Variants in DMD observed in about 807,000 individuals in gnomAD.
DMD encodes the protein mutant dystrophin.
Under a neutral mutation model 330.1 loss-of-function variants are expected in DMD, and 63 were observed. The ratio of observed to expected loss-of-function variants is 0.19; its 90% CI spans 0.16 to 0.24. DMD has a LOEUF of 0.24. Among genes scored for constraint, DMD ranks in the 10% least tolerant of loss-of-function variants. The probability of loss-of-function intolerance (pLI) is 1.00; values close to 1 mark genes in which losing one functional copy is unlikely to be tolerated. For synonymous variants in DMD, 1,223 were observed against 959.8 expected, an observed-to-expected ratio of 1.27 and a Z score of -5.07; for missense variants, 3,344 against 2,684.1, an observed-to-expected ratio of 1.25 and a Z score of -5.43.
chrX:32,097,389 T>C (rs1187019159), intron 44 of DMD, among the ~76,000 whole-genome samples: 1 of 111,315 alleles, frequency 9.0e-6, no homozygotes, highest in Admixed American at 9.6e-5. Context: ...CTGAGGATGA[T>C]GGCTTCCAGC....
At chrX:32,756,440 G>A (rs1167343343) in intron 7 of DMD, 1 of 111,575 alleles carries the variant, frequency 9.0e-6, no homozygotes, top group Non-Finnish European at 1.9e-5. Flanking sequence ...CAATAAAATC[G>A]CTAAAAACCA....
intron 61 of DMD, among the ~76,000 whole-genome samples, chrX:31,339,496 G>A (rs191146936): frequency 1.6e-3 from 174 of 111,842 alleles, no homozygotes; most frequent in Non-Finnish European, 2.6e-3. Context: ...GATTTTACTT[G>A]AAAGAGAATT....
intron 30 of DMD, among the ~76,000 whole-genome samples, chrX:32,408,523 G>A (rs1382416245): frequency 9.0e-6 from 1 of 111,494 alleles, no homozygotes; most frequent in Non-Finnish European, 1.9e-5. Flanking sequence ...ATCTTAAAAT[G>A]CAGAAAAAAT....
At chrX:32,805,176 A>T (rs1444487509) in intron 7 of DMD, among the ~76,000 whole-genome samples, 1 of 111,916 alleles carries the variant, frequency 8.9e-6, no homozygotes, top group African/African-American at 3.3e-5. Context: ...AAGCTAAAGG[A>T]GCATGTTCTA....
intron 2 of DMD, among the ~76,000 whole-genome samples, chrX:32,965,949 T>C (rs1188410258): frequency 8.9e-6 from 1 of 111,833 alleles, no homozygotes; most frequent in African/African-American, 3.2e-5. Context: ...TATAATAAAA[T>C]AGTCTTTAAC....
chrX:31,157,450 G>C (rs1274970133), intron 74 of DMD, among the ~76,000 whole-genome samples: 1 of 112,020 alleles, frequency 8.9e-6, no homozygotes, highest in South Asian at 3.8e-4. Context: ...GTCATCATCA[G>C]CCAAAAGGAA....
In DMD at chrX:31,495,146, A is replaced by ATTT. The variant is rs200871556; in HGVS notation, c.8547+1639_8547+1641dup. On this transcript the variant is annotated intron_variant, in intron 57 of 78. Transcript: ENST00000357033. ...AGGAGAAACTGGCAGTTTCCCTGGC[A>ATTT]TTTTTTTTTTTTTTTGCAAAGATCC... Among the ~76,000 whole-genome samples the ATTT allele has an allele frequency of 1.2e-4, 11 of 94,309 alleles. 1 individual carries two copies. Among genetic ancestry groups the ATTT allele is most frequent in the Admixed American group, 3.5e-4 (3 of 8,496 alleles). 81.9% of individuals were successfully genotyped at this position (94,309 alleles called of 115,157 possible). A position where few individuals can be genotyped will look rare whatever the true frequency, so the allele number is the denominator to read the frequency against.
chrX:32,098,082 A>T (rs1470216134), intron 44 of DMD, among the ~76,000 whole-genome samples: 1 of 111,567 alleles, frequency 9.0e-6, no homozygotes, highest in Non-Finnish European at 1.9e-5. Context: ...GAAAAAAATC[A>T]AAAAGGGGTA....
chrX:32,485,376 G>A (rs2042318413), intron 20 of DMD, among the ~76,000 whole-genome samples: 1 of 110,522 alleles, frequency 9.0e-6, no homozygotes, highest in Admixed American at 9.7e-5. Flanking sequence ...TGCGTACAGT[G>A]GAAAAATACT....
chrX:31,366,129 A>G (rs1314519462), intron 60 of DMD, among the ~76,000 whole-genome samples: 1 of 111,915 alleles, frequency 8.9e-6, no homozygotes, highest in Admixed American at 9.5e-5. Context: ...AGTGATTTAC[A>G]AGATCATTTT....
At chrX:31,668,920 G>A (rs1213632696) in intron 53 of DMD, among the ~76,000 whole-genome samples, 1 of 111,698 alleles carries the variant, frequency 9.0e-6, no homozygotes, top group African/African-American at 3.2e-5. Context: ...GTTCATCCAC[G>A]CTGTCATAAA....
chrX:32,653,842 G>T (rs1326262088), intron 9 of DMD, among the ~76,000 whole-genome samples: 1 of 111,620 alleles, frequency 9.0e-6, no homozygotes, highest in Non-Finnish European at 1.9e-5. Context: ...GGTGAGCAGT[G>T]GTTTGTAGTT....
Position 32,542,275 on chromosome X carries a change from C to CA in DMD, c.2168+2883dup, listed in dbSNP as rs201515986. Among the ~76,000 whole-genome samples the CA allele has an allele frequency of 7.3e-3, 813 of 110,724 alleles. 21 individuals are homozygous for CA. Among genetic ancestry groups the CA allele is most frequent in the Admixed American group, 0.06 (625 of 10,371 alleles). On this transcript the variant is annotated intron_variant, in intron 17 of 78. Transcript: ENST00000357033. ...GAAACCCTGTCTCTACTAAAAAATA[C>CA]AAAAAAAATTAGCCGGATGTGGTGG... is the stretch of plus-strand genomic sequence containing the variant.
chrX:32,469,697 A>G (rs1332183438), intron 22 of DMD, among the ~76,000 whole-genome samples: 1 of 111,514 alleles, frequency 9.0e-6, no homozygotes, highest in Non-Finnish European at 1.9e-5. Flanking sequence ...TAGTGTGAGC[A>G]TTTGCCCATG....
At chrX:33,105,455 G>T (rs1421875114) in intron 1 of DMD, among the ~76,000 whole-genome samples, 2 of 111,910 alleles carry the variant, frequency 1.8e-5, no homozygotes, top group African/African-American at 6.5e-5. Flanking sequence ...AAAAGCTTCT[G>T]CACAGCAAAA....
chrX:32,239,024 T>C (rs1338080646), intron 43 of DMD, among the ~76,000 whole-genome samples: 1 of 112,078 alleles, frequency 8.9e-6, no homozygotes, highest in Non-Finnish European at 1.9e-5. Context: ...TAGAACAAGG[T>C]TTCTAAACAT....
rs200812464 is a variant in DMD at position 31,432,624 on chromosome X, G to C, written c.9084+11857C>G. On this transcript the variant is annotated intron_variant, in intron 60 of 78. Coordinates refer to ENST00000357033, the MANE Select transcript of DMD (RefSeq NM_004006.3). ...ATATTGTACATTTAGACTGACAAAT[G>C]CCTTTATTAGAATAAAGGGAAAAGG... Among the ~76,000 whole-genome samples the C allele has an allele frequency of 2.1e-4, 23 of 111,515 alleles. No individual in the cohort carries two copies. The East Asian group carries it at 5.9e-3, about 29-fold the overall frequency.
chrX:32,478,831 G>A (rs376244862), intron 21 of DMD, among the ~76,000 whole-genome samples: 1 of 111,502 alleles, frequency 9.0e-6, no homozygotes, highest in African/African-American at 3.3e-5. Context: ...TCTGACATGA[G>A]TGAAATAGAT....
chrX:31,738,756 G>A (rs1266951962), intron 51 of DMD, among the ~76,000 whole-genome samples: 3 of 112,354 alleles, frequency 2.7e-5, no homozygotes, highest in African/African-American at 6.5e-5. Context: ...AAAAAAGAAT[G>A]AGATTCTGTC....
Sources: allele counts gnomAD v4.1 joint callset (sites outside exome capture counted in the v4.1 genomes callset), GRCh38; gene constraint gnomAD v4.1.1; transcripts MANE v1.5; gene names NCBI Gene and HGNC (gene_info 2026-07-23, HGNC 2026-07-21).